The following CMSS1 variants were observed in gnomAD, a reference collection of about 807,000 sequenced individuals.
CMSS1 encodes the protein protein CMSS1.
In CMSS1, 33 loss-of-function variants were observed where a neutral mutation model predicts 43.5. The ratio of observed to expected loss-of-function variants is 0.76; its 90% confidence interval spans 0.57 to 1.01. The LOEUF is 1.01. CMSS1 is among the 50% of genes least tolerant of loss of function. The probability of loss-of-function intolerance (pLI) is 0.00; values close to 1 mark genes in which losing one functional copy is unlikely to be tolerated. For synonymous variants in CMSS1, 115 were observed against 117.2 expected, an observed-to-expected ratio of 0.98 and a Z score of 0.12; for missense variants, 313 against 326.4, an observed-to-expected ratio of 0.96 and a Z score of 0.32.
intron 1 of CMSS1, among the ~76,000 whole-genome samples, chr3:100,069,523 AT>A (rs1399656738): frequency 1.4e-4 from 22 of 151,972 alleles, no homozygotes; most frequent in African/African-American, 5.3e-4. Flanking sequence ...GGTGTTTTGG[AT>A]TTCTGATACG....
At chr3:99,894,676 A>G (rs1038469649) in intron 1 of CMSS1, among the ~76,000 whole-genome samples, 22 of 152,206 alleles carry the variant, frequency 1.4e-4, no homozygotes, top group African/African-American at 4.3e-4. Flanking sequence ...CCTCATAAAA[A>G]CGATATTATT....
At chr3:99,934,801 T>C (rs993301729) in intron 1 of CMSS1, among the ~76,000 whole-genome samples, 4 of 152,180 alleles carry the variant, frequency 2.6e-5, no homozygotes, top group African/African-American at 9.7e-5. Flanking sequence ...TATTCATAAG[T>C]GGTAAAAAAA....
At chr3:100,003,552 A>C (rs6440967) in intron 1 of CMSS1, among the ~76,000 whole-genome samples, 92,768 of 152,056 alleles carry the variant, frequency 0.61, 28,433 homozygotes, top group East Asian at 0.72. Flanking sequence ...TGACTTAGCT[A>C]ATGTGTGTCA....
intron 1 of CMSS1, among the ~76,000 whole-genome samples, chr3:100,101,318 G>A (rs546609886): frequency 4.6e-5 from 7 of 152,268 alleles, no homozygotes; most frequent in South Asian, 2.1e-4. Context: ...CATTGACTTC[G>A]TTGACTGAGG....
At chr3:100,011,466 TCCAAAATGGAGTTGG>T (rs2107195660) in intron 1 of CMSS1, among the ~76,000 whole-genome samples, 1 of 152,322 alleles carries the variant, frequency 6.6e-6, no homozygotes, top group South Asian at 2.1e-4. Context: ...GCCATCTTCC[TCCAAAATGGAGTTGG>T]ACTCCATTTT....
chr3:100,103,473 G>A (rs2066342580), intron 1 of CMSS1, among the ~76,000 whole-genome samples: 1 of 152,226 alleles, frequency 6.6e-6, no homozygotes, highest in African/African-American at 2.4e-5. Flanking sequence ...GAGCTCCTTT[G>A]TGTAACTGAA....
chr3:99,979,065 A>G (rs1489971100), intron 1 of CMSS1, among the ~76,000 whole-genome samples: 1 of 152,168 alleles, frequency 6.6e-6, no homozygotes, highest in Non-Finnish European at 1.5e-5. Context: ...AATTTACTGT[A>G]TATTTTCAAA....
At chr3:99,940,090 G>T (rs1012022367) in intron 1 of CMSS1, among the ~76,000 whole-genome samples, 2 of 152,106 alleles carry the variant, frequency 1.3e-5, no homozygotes, top group Non-Finnish European at 2.9e-5. Flanking sequence ...AGGACAAAAA[G>T]AAATATAAAA....
intron 1 of CMSS1, among the ~76,000 whole-genome samples, chr3:100,062,518 G>A (rs765166236): frequency 1.6e-4 from 24 of 152,014 alleles, no homozygotes; most frequent in Admixed American, 2.0e-4. Context: ...TCCCTCATAC[G>A]GGGGTCAGTC....
At chr3:99,819,904 G>T (rs547728430) in intron 1 of CMSS1, among the ~76,000 whole-genome samples, 147 of 151,750 alleles carry the variant, frequency 9.7e-4, no homozygotes, top group African/African-American at 3.4e-3. Flanking sequence ...ACAGGTGCCC[G>T]CCACCACACC....
At chr3:99,845,950 A>G (rs774236007) in intron 1 of CMSS1, among the ~76,000 whole-genome samples, 1 of 152,230 alleles carries the variant, frequency 6.6e-6, no homozygotes, top group Non-Finnish European at 1.5e-5. Flanking sequence ...ATATAGTTAA[A>G]ATCTGGAACA....
chr3:99,935,723 C>G (rs1250893489), intron 1 of CMSS1, among the ~76,000 whole-genome samples: 1 of 152,194 alleles, frequency 6.6e-6, no homozygotes, highest in Non-Finnish European at 1.5e-5. Context: ...TCTCTGTTGT[C>G]TTGTATCTAT....
At chr3:99,955,259 G>T (rs1268078850) in intron 1 of CMSS1, among the ~76,000 whole-genome samples, 1 of 152,168 alleles carries the variant, frequency 6.6e-6, no homozygotes, top group Non-Finnish European at 1.5e-5. Flanking sequence ...GGATGGAACA[G>T]AGCTATTAGC....
chr3:99,845,597 G>A (rs2035400), intron 1 of CMSS1, among the ~76,000 whole-genome samples: 1,713 of 152,168 alleles, frequency 0.011, 18 homozygotes, highest in African/African-American at 0.025. Context: ...AGGAAGTTCT[G>A]TAATCTTCCA....
At chr3:99,906,927 G>A (rs768611231) in intron 1 of CMSS1, among the ~76,000 whole-genome samples, 1 of 152,212 alleles carries the variant, frequency 6.6e-6, no homozygotes, top group Non-Finnish European at 1.5e-5. Flanking sequence ...TCATGTGGAT[G>A]AAGACAACTC....
At chr3:99,908,330 A>T (rs967543207) in intron 1 of CMSS1, among the ~76,000 whole-genome samples, 1 of 152,242 alleles carries the variant, frequency 6.6e-6, no homozygotes, top group African/African-American at 2.4e-5. Flanking sequence ...GACTTAGACA[A>T]CTATGTGACA....
chr3:99,987,249 C>A, intron 1 of CMSS1, among the ~76,000 whole-genome samples: 1 of 148,150 alleles, frequency 6.7e-6, no homozygotes, highest in Non-Finnish European at 1.5e-5. Flanking sequence ...AAAAAAAAGG[C>A]CAGGCACAGT....
chr3:100,165,095 C>T (rs1358483922), intron 4 of CMSS1, among the ~76,000 whole-genome samples: 1 of 152,080 alleles, frequency 6.6e-6, no homozygotes, highest in Non-Finnish European at 1.5e-5. Context: ...AGGCCCACCC[C>T]CAAGAGATTC....
chr3:99,851,053 T>C, intron 1 of CMSS1: 1 of 1,588,236 alleles, frequency 6.3e-7, no homozygotes, highest in Non-Finnish European at 8.5e-7. Context: ...GATTTCTTGA[T>C]CAATTAGCTT....
Sources: gnomAD v4.1 joint callset for allele counts (sites outside exome capture counted in the v4.1 genomes callset) on GRCh38, gnomAD v4.1.1 for gene constraint, MANE v1.5 for transcripts, NCBI Gene and HGNC (gene_info 2026-07-23, HGNC 2026-07-21) for gene names.